The following ZC3H18 variants were observed in gnomAD, a reference collection of about 807,000 sequenced individuals.
ZC3H18 encodes zinc finger CCCH domain-containing protein 18.
Under a neutral mutation model 106.1 loss-of-function variants are expected in ZC3H18, and 8 were observed. The ratio of observed to expected loss-of-function variants is 0.08; its 90% CI spans 0.04 to 0.14. The LOEUF (loss-of-function observed/expected upper bound fraction) is 0.14, where lower values mean the gene tolerates loss of function less well. ZC3H18 is among the 10% of genes least tolerant of loss of function. The pLI, the probability that ZC3H18 is intolerant of heterozygous loss-of-function variation, is 1.00. For synonymous variants in ZC3H18, 635 were observed against 522.1 expected (o/e 1.22, Z -2.95); for missense variants, 1,318 against 1,278.4 (o/e 1.03, Z -0.47).
At chr16:88,602,600 G>C (rs1904804560) in intron 6 of ZC3H18, among the ~76,000 whole-genome samples, 1 of 152,206 alleles carries the variant, frequency 6.6e-6, no homozygotes, top group Non-Finnish European at 1.5e-5. Flanking sequence ...ATTAAAGTTT[G>C]AGAACCATTG....
Position 88,599,925 on chromosome 16 carries a change from C to T in ZC3H18, c.1065C>T (p.Ile355=). ...NEVFRDWNSR[I]PRDVRDTVLE... is the part of the protein sequence containing the mutation. Reference sequence around the variant, plus strand: ...TTTTTCGAGATTGGAATTCTCGGATCCCGAGAGATGTCAGAGACACAGTGT... The same window carrying T: ...TTTTTCGAGATTGGAATTCTCGGATTCCGAGAGATGTCAGAGACACAGTGT... Residue 355 remains isoleucine (I), a synonymous_variant, in exon 6 of 18, where the codon ATC becomes ATT. Transcript: ENST00000301011. The T allele has an allele frequency of 1.2e-6, 2 of 1,614,128 alleles. No individual in the cohort carries two copies. The highest frequency in any genetic ancestry group is 1.7e-6 in the Non-Finnish European group (2 of 1,179,996).
chr16:88,606,738 A>C (rs1452726535), intron 6 of ZC3H18, among the ~76,000 whole-genome samples: 4 of 152,112 alleles, frequency 2.6e-5, no homozygotes, highest in African/African-American at 9.7e-5. Context: ...TGAGTGTTAT[A>C]ATTCAGTGTG....
chr16:88,621,106 G>A (rs1023687626), intron 8 of ZC3H18, among the ~76,000 whole-genome samples: 1 of 152,152 alleles, frequency 6.6e-6, no homozygotes, highest in Admixed American at 6.5e-5. Context: ...GGGCAGTGGC[G>A]CAGTCTCAGC....
At chr16:88,630,643 A>G in intron 17 of ZC3H18, 62 bp downstream of exon 17, 1 of 1,436,910 alleles carries the variant, frequency 7.0e-7, no homozygotes, top group Non-Finnish European at 9.5e-7. Context: ...TCGCTTCCCC[A>G]GGGAGGCCAG....
At position 88,626,859 on chromosome 16, in the gene ZC3H18, G is replaced by A. The variant is rs577124549; in HGVS notation, c.2109-763G>A. Among the ~76,000 whole-genome samples, 159 of 152,312 alleles carry A rather than the reference G, an allele frequency of 1.0e-3. 1 individual carries two copies. The highest frequency in any genetic ancestry group is 3.6e-3 in the African/African-American group (151 of 41,566). On this transcript the variant is annotated intron_variant, in intron 13 of 17. Transcript: ENST00000301011. ...TCCGTGTTGAGTGCACGCCAGTGAAGCTACAGACCTGCTGTTTCCAGTCTG... is the reference window on the plus strand; with the variant it reads ...TCCGTGTTGAGTGCACGCCAGTGAAACTACAGACCTGCTGTTTCCAGTCTG...
chr16:88,598,690 G>A lies in ZC3H18; in HGVS notation c.908G>A (p.Arg303Gln), dbSNP rs760527274. 1 of 1,612,564 alleles carries A rather than the reference G, an allele frequency of 6.2e-7. No homozygotes were observed. The highest frequency in any genetic ancestry group is 8.5e-7 in the Non-Finnish European group (1 of 1,179,280). The change falls in exon 5 of 18, where the codon CGA becomes CAA. Residue 303 changes from arginine to glutamine, a missense_variant. Arg to Gln is a conservative substitution (Grantham distance 43, BLOSUM62 1). This residue lies in a region of ZC3H18 where 3 missense variants were observed against 16.2 expected (regional missense o/e 0.19). Coordinates refer to ENST00000301011, the MANE Select transcript of ZC3H18 (RefSeq NM_144604.4). ...PEPPTESAWE[R>Q]GLRHAKEVLK... ...CCCCCAACAGAGAGTGCCTGGGAAC[G>A]AGGACTCCGGCATGCAAAGGAGGTA...
chr16:88,628,644 T>C, intron 15 of ZC3H18, 114 bp from the exon 16 acceptor site: 1 of 1,129,470 alleles, frequency 8.9e-7, no homozygotes. Flanking sequence ...GGGTGTGTGG[T>C]GGGACCTTTG....
At chr16:88,588,020 G>A (rs1374254589) in intron 3 of ZC3H18, among the ~76,000 whole-genome samples, 2 of 152,304 alleles carry the variant, frequency 1.3e-5, no homozygotes, top group African/African-American at 4.8e-5. Flanking sequence ...GGCCCCTACT[G>A]GGGAGAGCCT....
At chr16:88,575,758 G>A (rs1914709292) in intron 1 of ZC3H18, among the ~76,000 whole-genome samples, 2 of 151,878 alleles carry the variant, frequency 1.3e-5, no homozygotes, top group South Asian at 4.2e-4. Flanking sequence ...CTGTTGCCCA[G>A]GCTGAAGCAC....
At position 88,573,617 on chromosome 16, in the gene ZC3H18, A is replaced by G. The variant is rs1024202769; in HGVS notation, c.-15+3051A>G. Among the ~76,000 whole-genome samples the G allele has an allele frequency of 2.6e-5, 4 of 151,938 alleles. No individual in the cohort carries two copies. The South Asian group carries it at 8.3e-4, about 32-fold the overall frequency. Reference sequence around the variant, plus strand: ...AAAAAGACGAGGGTCTTACCATGTTATCTAGGCTGGACTCGAACTCTTGGG... The same window carrying G: ...AAAAAGACGAGGGTCTTACCATGTTGTCTAGGCTGGACTCGAACTCTTGGG... On this transcript the variant is annotated intron_variant, in intron 1 of 17. Coordinates refer to ENST00000301011, the MANE Select transcript of ZC3H18 (RefSeq NM_144604.4).
At chr16:88,571,844 C>T (rs535685291) in intron 1 of ZC3H18, among the ~76,000 whole-genome samples, 2 of 152,162 alleles carry the variant, frequency 1.3e-5, no homozygotes, top group Non-Finnish European at 2.9e-5. Flanking sequence ...TATTTTAAGT[C>T]CATGAGGTTA....
chr16:88,574,549 C>T (rs1436208670), intron 1 of ZC3H18, among the ~76,000 whole-genome samples: 1 of 151,354 alleles, frequency 6.6e-6, no homozygotes, highest in Non-Finnish European at 1.5e-5. Flanking sequence ...TTGTTTGAGT[C>T]AGGGTCTCAC....
intron 6 of ZC3H18, among the ~76,000 whole-genome samples, chr16:88,607,082 C>A (rs78416628): frequency 1.3e-5 from 2 of 152,188 alleles, no homozygotes; most frequent in Non-Finnish European, 1.5e-5. Flanking sequence ...AGGCCCCCCC[C>A]AACCCTGTGC....
At chr16:88,623,697 C>T (rs1906112845) in intron 10 of ZC3H18, 5 of 600,288 alleles carry the variant, frequency 8.3e-6, no homozygotes, top group Admixed American at 3.4e-5. Context: ...AGCCTGTCTC[C>T]TCCTGTCCTG....
chr16:88,621,194 G>C (rs543325833), intron 8 of ZC3H18, among the ~76,000 whole-genome samples: 70 of 151,596 alleles, frequency 4.6e-4, no homozygotes, highest in African/African-American at 1.6e-3. Flanking sequence ...ACAGGCGCCC[G>C]CCACCACATC....
At chr16:88,586,378 G>C (rs1022255608) in intron 2 of ZC3H18, among the ~76,000 whole-genome samples, 2 of 152,200 alleles carry the variant, frequency 1.3e-5, no homozygotes, top group African/African-American at 4.8e-5. Flanking sequence ...GCTGCACAGT[G>C]CTTCTCCCTG....
chr16:88,573,152 A>G (rs993869089), intron 1 of ZC3H18, among the ~76,000 whole-genome samples: 7 of 152,046 alleles, frequency 4.6e-5, no homozygotes, highest in African/African-American at 1.4e-4. Flanking sequence ...GGTTGACATT[A>G]AACTATAAAA....
intron 8 of ZC3H18, among the ~76,000 whole-genome samples, chr16:88,620,146 C>T (rs935957209): frequency 6.6e-6 from 1 of 152,216 alleles, no homozygotes; most frequent in Non-Finnish European, 1.5e-5. Flanking sequence ...GTTAAACAAG[C>T]TCTGAAAACA....
intron 3 of ZC3H18, among the ~76,000 whole-genome samples, chr16:88,587,869 G>T (rs973826894): frequency 2.0e-5 from 3 of 152,212 alleles, no homozygotes; most frequent in East Asian, 1.9e-4. Flanking sequence ...AGAGCAGCCG[G>T]GAACGCCCCT....
Sources: gnomAD v4.1 joint callset for allele counts (sites outside exome capture counted in the v4.1 genomes callset) on GRCh38, gnomAD v4.1.1 for gene constraint, gnomAD v4.1.1 regional missense constraint, MANE v1.5 for transcripts, NCBI Gene and HGNC (gene_info 2026-07-23, HGNC 2026-07-21) for gene names.